The following UGT1A8 variants were observed in gnomAD, a reference collection of about 807,000 sequenced individuals.
UGT1A8 encodes UDP-glucuronosyltransferase 1A8.
A neutral mutation model predicts 45.3 loss-of-function variants in UGT1A8; 39 were observed. That is an observed-to-expected ratio of 0.86 (90% CI 0.67 to 1.12). UGT1A8 has a LOEUF of 1.12. UGT1A8 is among the 50% of genes most tolerant of loss of function. UGT1A8 has a pLI of 0.00. For missense variants in UGT1A8, 719 were observed against 664.9 expected (o/e 1.08, Z -0.90); for synonymous variants, 275 against 249.2 (o/e 1.10, Z -0.97).
At chr2:233,719,297 G>A (rs45467894) in intron 1 of UGT1A8, 296 of 1,613,968 alleles carry the variant, frequency 1.8e-4, no homozygotes, top group African/African-American at 1.8e-3. Context: ...TCTGTGGGGC[G>A]GTGCTGGCTA....
intron 1 of UGT1A8, chr2:233,729,644 T>A: frequency 5.6e-6 from 9 of 1,613,954 alleles, no homozygotes; most frequent in Non-Finnish European, 7.6e-6. Flanking sequence ...GTGTTTTTTT[T>A]GAGGAACATT....
chr2:233,721,701 C>A (rs2125683705), intron 1 of UGT1A8: 13 of 362,480 alleles, frequency 3.6e-5, no homozygotes, highest in South Asian at 2.9e-4. Context: ...ACGCATGGCT[C>A]ATCTTGGATG....
At chr2:233,759,467 C>T (rs1000519909) in intron 1 of UGT1A8, among the ~76,000 whole-genome samples, 1 of 152,186 alleles carries the variant, frequency 6.6e-6, no homozygotes, top group Non-Finnish European at 1.5e-5. Flanking sequence ...CACTCAAGAT[C>T]TATCTTACAG....
At chr2:233,720,268 C>T (rs1303323026) in intron 1 of UGT1A8, among the ~76,000 whole-genome samples, 2 of 152,036 alleles carry the variant, frequency 1.3e-5, no homozygotes, top group East Asian at 3.9e-4. Context: ...GGGATCTGTC[C>T]TGAGAAAAGT....
chr2:233,677,864 G>A (rs2074402058), intron 1 of UGT1A8, among the ~76,000 whole-genome samples: 1 of 152,016 alleles, frequency 6.6e-6, no homozygotes, highest in African/African-American at 2.4e-5. Context: ...AGAAACACAT[G>A]CACTGGTATG....
At chr2:233,662,419 C>T (rs958044075) in intron 1 of UGT1A8, among the ~76,000 whole-genome samples, 1 of 152,036 alleles carries the variant, frequency 6.6e-6, no homozygotes, top group Non-Finnish European at 1.5e-5. Context: ...ATAAATGGAC[C>T]AACACCGTTG....
intron 1 of UGT1A8, among the ~76,000 whole-genome samples, chr2:233,655,912 C>T (rs1389887942): frequency 6.6e-6 from 1 of 152,110 alleles, no homozygotes; most frequent in Non-Finnish European, 1.5e-5. Flanking sequence ...ACTTTTACAC[C>T]TCTGATCACT....
intron 1 of UGT1A8, chr2:233,672,224 A>C (rs2074216284): frequency 9.3e-6 from 15 of 1,614,064 alleles, no homozygotes; most frequent in Non-Finnish European, 1.3e-5. Flanking sequence ...GCCCATGCTC[A>C]ATGGAAAGCA....
Position 233,617,896 on chromosome 2 carries a change from T to G in UGT1A8, c.189T>G (p.Ser63Arg). 6.2e-7 allele frequency: 1 copy of G among 1,613,952 alleles called. No individual in the cohort carries two copies. Among genetic ancestry groups the G allele is most frequent in the East Asian group, 2.2e-5 (1 of 44,870 alleles). The part of the protein sequence containing the change: ...HEVVVVMPEV[S>R]WQLGKSLNCT... ...TGGTTGTAGTCATGCCAGAGGTGAG[T>G]TGGCAACTGGGAAAATCACTGAATT... Residue 63 changes from serine (S) to arginine (R), a missense_variant, in exon 1 of 5, where the codon AGT (serine) becomes AGG (arginine). By Grantham distance (110) the Ser-to-Arg change is moderately radical. Transcript: ENST00000373450.
intron 1 of UGT1A8, among the ~76,000 whole-genome samples, chr2:233,738,028 A>G (rs1242649039): frequency 6.6e-6 from 1 of 151,924 alleles, no homozygotes; most frequent in Non-Finnish European, 1.5e-5. Context: ...TAATCCCCAT[A>G]ATCCCCACGT....
At chr2:233,623,975 T>A (rs985190715) in intron 1 of UGT1A8, among the ~76,000 whole-genome samples, 6 of 152,170 alleles carry the variant, frequency 3.9e-5, no homozygotes, top group Admixed American at 2.0e-4. Flanking sequence ...GTTGAGTGAC[T>A]TTTCTTACAA....
In UGT1A8 at chr2:233,740,798, C is replaced by T. The variant is rs557461962; in HGVS notation, c.856-26236C>T. On this transcript the variant is annotated intron_variant, in intron 1 of 4. Transcript: ENST00000373450. ...AAAAGATGAATACCCACATAACAGGCTCTAGCACTGTTCTGTTTTTGAGCT... is the reference window on the plus strand; with the variant it reads ...AAAAGATGAATACCCACATAACAGGTTCTAGCACTGTTCTGTTTTTGAGCT... The T allele has an allele frequency of 3.9e-5, 6 of 151,946 alleles. No individual in the cohort carries two copies. The East Asian group carries it at 1.2e-3, about 29-fold the overall frequency. The allele number at this position is 151,946 out of a possible 1,614,324, so 9.4% of individuals were successfully genotyped here.
intron 1 of UGT1A8, among the ~76,000 whole-genome samples, chr2:233,715,121 A>G (rs2076433568): frequency 6.6e-6 from 1 of 152,186 alleles, no homozygotes; most frequent in Non-Finnish European, 1.5e-5. Context: ...CCTGATCTCA[A>G]GTGATTCACT....
chr2:233,703,514 G>T (rs2125593103), intron 1 of UGT1A8, among the ~76,000 whole-genome samples: 1 of 152,008 alleles, frequency 6.6e-6, no homozygotes, highest in South Asian at 2.1e-4. Flanking sequence ...TCCTGGTGGA[G>T]TGACACTTAT....
rs529174964 is a variant in UGT1A8, at chr2:233,763,096, G to C, written c.856-3938G>C. Among the ~76,000 whole-genome samples the C allele has an allele frequency of 2.0e-5, 3 of 152,310 alleles. No individual in the cohort carries two copies. The East Asian group carries it at 5.8e-4, about 29-fold the overall frequency. On this transcript the variant is annotated intron_variant, in intron 1 of 4. Transcript: ENST00000373450. Reference sequence around the variant, plus strand: ...TTGCGTGAGGATGTTTGTAGGAGAGGCACCGAACTTTATCAGCTGCCTTTC... The same window carrying C: ...TTGCGTGAGGATGTTTGTAGGAGAGCCACCGAACTTTATCAGCTGCCTTTC...
At chr2:233,737,138 G>A (rs1186912259) in intron 1 of UGT1A8, among the ~76,000 whole-genome samples, 2 of 152,230 alleles carry the variant, frequency 1.3e-5, no homozygotes, top group African/African-American at 4.8e-5. Flanking sequence ...GCTGCCTTTT[G>A]TTCAGATATG....
intron 1 of UGT1A8, among the ~76,000 whole-genome samples, chr2:233,689,513 T>A (rs373706138): frequency 6.6e-6 from 1 of 152,208 alleles, no homozygotes; most frequent in East Asian, 1.9e-4. Flanking sequence ...GGTTACACAT[T>A]GGTTTGGTCA....
intron 1 of UGT1A8, chr2:233,691,386 T>C: frequency 1.0e-6 from 1 of 985,586 alleles, no homozygotes; most frequent in Non-Finnish European, 1.2e-6. Flanking sequence ...ATGTTCCCCA[T>C]GGGGGCCAGC....
At chr2:233,723,454 C>T (rs1160822962) in intron 1 of UGT1A8, among the ~76,000 whole-genome samples, 1 of 139,308 alleles carries the variant, frequency 7.2e-6, no homozygotes, top group African/African-American at 2.8e-5. Context: ...AGGTGATCCA[C>T]CCGCCTCAGC....
Sources: gnomAD v4.1 joint callset for allele counts (sites outside exome capture counted in the v4.1 genomes callset) on GRCh38, gnomAD v4.1.1 for gene constraint, MANE v1.5 for transcripts, NCBI Gene and HGNC (gene_info 2026-07-23, HGNC 2026-07-21) for gene names.